NKAIN2: variants seen among roughly 807,000 people sequenced by gnomAD.
NKAIN2 encodes the protein sodium/potassium-transporting ATPase subunit beta-1-interacting protein 2.
A neutral mutation model predicts 32.6 loss-of-function variants in NKAIN2; 14 were observed. The observed-to-expected ratio is 0.43, with a 90% CI of 0.28 to 0.67. The LOEUF (loss-of-function observed/expected upper bound fraction) is 0.67, where lower values mean the gene tolerates loss of function less well. NKAIN2 is among the 30% of genes least tolerant of loss of function. The pLI is 0.17. For missense variants in NKAIN2, 198 were observed against 258.3 expected (o/e 0.77, Z 1.60); for synonymous variants, 80 against 87.2 (o/e 0.92, Z 0.46).
Position 123,943,962 on chromosome 6 carries a change from T to C in NKAIN2, c.54+139708T>C, listed in dbSNP as rs149214285. 3.4e-3 allele frequency among the ~76,000 whole-genome samples: 523 copies of C among 152,178 alleles called. 3 individuals are homozygous for C. Among genetic ancestry groups the C allele is most frequent in the African/African-American group, 0.012 (500 of 41,556 alleles). On this transcript the variant is annotated intron_variant, in intron 1 of 6. Coordinates refer to ENST00000368417, the MANE Select transcript of NKAIN2 (RefSeq NM_001040214.3). Reference sequence around the variant, plus strand: ...CTCACTGAATTTAAGTATTTACCAATCATATATCCTTGAGTGAAATTTTAG... The same window carrying C: ...CTCACTGAATTTAAGTATTTACCAACCATATATCCTTGAGTGAAATTTTAG...
intron 1 of NKAIN2, among the ~76,000 whole-genome samples, chr6:124,273,475 C>T (rs2689895): frequency 0.34 from 52,341 of 152,044 alleles, 11,113 homozygotes; most frequent in African/African-American, 0.6. Flanking sequence ...CCTCCATTCT[C>T]TATAAATTAC....
At chr6:124,490,520 C>A in intron 3 of NKAIN2, 2 of 328,986 alleles carry the variant, frequency 6.1e-6, no homozygotes, top group South Asian at 2.7e-5. Context: ...AATACAAATA[C>A]CCAAGTATTT....
chr6:123,834,653 T>G (rs1774537380), intron 1 of NKAIN2, among the ~76,000 whole-genome samples: 1 of 152,226 alleles, frequency 6.6e-6, no homozygotes, highest in Non-Finnish European at 1.5e-5. Flanking sequence ...TGTTTTTATC[T>G]TAATAGAAAA....
At chr6:124,590,053 G>A (rs1016655227) in intron 3 of NKAIN2, among the ~76,000 whole-genome samples, 3 of 152,156 alleles carry the variant, frequency 2.0e-5, no homozygotes, top group African/African-American at 7.2e-5. Flanking sequence ...ATCACTTCCA[G>A]TGTCAACTCC....
At chr6:123,829,733 G>A (rs2114909482) in intron 1 of NKAIN2, among the ~76,000 whole-genome samples, 2 of 152,266 alleles carry the variant, frequency 1.3e-5, no homozygotes, top group Middle Eastern at 6.8e-3. Context: ...TCTTCACTGT[G>A]AAAAGTCAAG....
chr6:123,829,300 C>G (rs1315403203), intron 1 of NKAIN2: 1 of 152,144 alleles, frequency 6.6e-6, no homozygotes, highest in Non-Finnish European at 1.5e-5. Context: ...CCCTTGAGCT[C>G]TAGGTCTAAT....
At chr6:124,616,044 C>T (rs908918721) in intron 3 of NKAIN2, among the ~76,000 whole-genome samples, 20 of 152,026 alleles carry the variant, frequency 1.3e-4, no homozygotes, top group Non-Finnish European at 2.4e-4. Context: ...TTTTTCTGTG[C>T]ATGTGGGTAT....
At chr6:123,886,731 AAATC>A (rs1381752324) in intron 1 of NKAIN2, among the ~76,000 whole-genome samples, 1 of 152,120 alleles carries the variant, frequency 6.6e-6, no homozygotes, top group African/African-American at 2.4e-5. Flanking sequence ...ATAAAAAGAA[AAATC>A]AATCAGTTGG....
intron 1 of NKAIN2, among the ~76,000 whole-genome samples, chr6:124,191,112 T>G (rs1455839153): frequency 2.0e-5 from 3 of 152,200 alleles, no homozygotes; most frequent in Non-Finnish European, 4.4e-5. Context: ...GTAGCGAACA[T>G]TACAGTATCA....
rs1224987290 is a variant in NKAIN2 at position 124,170,490 on chromosome 6, C to CA, written c.55-112511dup. Among the ~76,000 whole-genome samples the CA allele has an allele frequency of 2.0e-5, 3 of 152,246 alleles. No homozygotes were observed. The South Asian group carries it at 6.2e-4, about 32-fold the overall frequency. On this transcript the variant is annotated intron_variant, in intron 1 of 6. Transcript: ENST00000368417. ...GATGTATGGCAAAAGAATGTCAAGA[C>CA]AAAATCATTAAATGTAATGGCTAGA...
chr6:124,694,504 G>A (rs1437964505), intron 4 of NKAIN2, among the ~76,000 whole-genome samples: 3 of 152,148 alleles, frequency 2.0e-5, no homozygotes, highest in Non-Finnish European at 2.9e-5. Context: ...ATTTATTGTT[G>A]CCATTCCTGC....
chr6:124,764,738 C>T (rs971048357), intron 4 of NKAIN2, among the ~76,000 whole-genome samples: 2 of 152,078 alleles, frequency 1.3e-5, no homozygotes, highest in Non-Finnish European at 2.9e-5. Flanking sequence ...TAGATGGCTT[C>T]TTATCACTTG....
At chr6:123,985,907 C>A (rs1582886671) in intron 1 of NKAIN2, among the ~76,000 whole-genome samples, 1 of 152,008 alleles carries the variant, frequency 6.6e-6, no homozygotes, top group South Asian at 2.1e-4. Context: ...AGCCTAGAAG[C>A]AGGAAAGAGA....
chr6:124,772,382 G>C (rs75613823), intron 4 of NKAIN2, among the ~76,000 whole-genome samples: 5,458 of 152,220 alleles, frequency 0.036, 153 homozygotes, highest in Non-Finnish European at 0.05. Flanking sequence ...AGAGTTAAGG[G>C]GGAAGAGGAC....
chr6:124,091,974 A>G (rs935276208), intron 1 of NKAIN2, among the ~76,000 whole-genome samples: 1 of 151,990 alleles, frequency 6.6e-6, no homozygotes, highest in Non-Finnish European at 1.5e-5. Context: ...CACTATTCTC[A>G]TCTTTGCCTT....
chr6:124,102,753 C>T (rs1163420480), intron 1 of NKAIN2, among the ~76,000 whole-genome samples: 1 of 152,148 alleles, frequency 6.6e-6, no homozygotes, highest in Non-Finnish European at 1.5e-5. Flanking sequence ...TTTTGTAATG[C>T]AGCTAGAAAA....
intron 3 of NKAIN2, among the ~76,000 whole-genome samples, chr6:124,536,119 A>C (rs1267117268): frequency 6.6e-6 from 1 of 152,190 alleles, no homozygotes; most frequent in African/African-American, 2.4e-5. Context: ...TCGCTCAAAA[A>C]ATTCAAACGC....
chr6:123,804,513 T>C (rs1190763885), intron 1 of NKAIN2, among the ~76,000 whole-genome samples: 1 of 152,174 alleles, frequency 6.6e-6, no homozygotes, highest in African/African-American at 2.4e-5. Flanking sequence ...TTAATTTCTT[T>C]AGGAAAAGCA....
intron 3 of NKAIN2, among the ~76,000 whole-genome samples, chr6:124,502,298 T>A (rs779406002): frequency 6.6e-6 from 1 of 152,138 alleles, no homozygotes; most frequent in Non-Finnish European, 1.5e-5. Context: ...AATCATTCCA[T>A]GTTATCTCAA....
Sources: allele counts gnomAD v4.1 joint callset (sites outside exome capture counted in the v4.1 genomes callset), GRCh38; gene constraint gnomAD v4.1.1; transcripts MANE v1.5; gene names NCBI Gene and HGNC (gene_info 2026-07-23, HGNC 2026-07-21).